The following PIK3C2G variants were observed in gnomAD, a reference collection of about 807,000 sequenced individuals.
The protein encoded by PIK3C2G is phosphatidylinositol-4-phosphate 3-kinase catalytic subunit type 2 gamma, also known as phosphatidylinositol 3-kinase C2 domain-containing subunit gamma.
Under a neutral mutation model 181.1 loss-of-function variants are expected in PIK3C2G, and 168 were observed. The ratio of observed to expected loss-of-function variants is 0.93; its 90% confidence interval spans 0.82 to 1.05. The LOEUF (loss-of-function observed/expected upper bound fraction) is 1.05. Among genes scored for constraint, PIK3C2G ranks in the 50% least tolerant of loss-of-function variants. PIK3C2G has a pLI of 0.00. For missense variants in PIK3C2G, 1,869 were observed against 1,732.8 expected (o/e 1.08, Z -1.40); for synonymous variants, 573 against 592.2 (o/e 0.97, Z 0.47).
chr12:18,397,719 T>C (rs770249388), intron 15 of PIK3C2G, among the ~76,000 whole-genome samples: 1 of 152,070 alleles, frequency 6.6e-6, no homozygotes, highest in Non-Finnish European at 1.5e-5. Flanking sequence ...TTTCACAATT[T>C]CTTGTAAAGA....
At chr12:18,527,897 G>A (rs1261233193) in intron 24 of PIK3C2G, among the ~76,000 whole-genome samples, 2 of 152,064 alleles carry the variant, frequency 1.3e-5, no homozygotes, top group African/African-American at 2.4e-5. Flanking sequence ...TTAATCTATT[G>A]ATGATCAGGG....
intron 11 of PIK3C2G, among the ~76,000 whole-genome samples, chr12:18,354,803 G>A (rs1372304610): frequency 6.6e-6 from 1 of 152,194 alleles, no homozygotes; most frequent in Non-Finnish European, 1.5e-5. Context: ...GAAAGACAAG[G>A]AAATAGGTAT....
intron 29 of PIK3C2G, among the ~76,000 whole-genome samples, chr12:18,587,901 A>C (rs1946876307): frequency 6.6e-6 from 1 of 152,050 alleles, no homozygotes; most frequent in Non-Finnish European, 1.5e-5. Context: ...ATTAAAAAAA[A>C]AAAGACATAT....
chr12:18,677,121 G>C, the PIK3C2G span, among the ~76,000 whole-genome samples: 1 of 152,090 alleles, frequency 6.6e-6, no homozygotes, highest in East Asian at 1.9e-4. Context: ...ATGTAGAAAA[G>C]GGGAGTCTGT....
intron 24 of PIK3C2G, among the ~76,000 whole-genome samples, chr12:18,520,257 T>C (rs2136178043): frequency 6.6e-6 from 1 of 152,258 alleles, no homozygotes; most frequent in South Asian, 2.1e-4. Flanking sequence ...AATTTGAATA[T>C]TGGCCTGTCT....
chr12:18,495,977 A>G, intron 20 of PIK3C2G, 85 bp from the exon 21 acceptor site: 1 of 634,958 alleles, frequency 1.6e-6, no homozygotes, highest in South Asian at 2.2e-5. Context: ...GCAAGGGGCT[A>G]TGATTTTGGG....
the PIK3C2G span, among the ~76,000 whole-genome samples, chr12:18,677,987 A>G: frequency 6.6e-6 from 1 of 152,118 alleles, no homozygotes; most frequent in Non-Finnish European, 1.5e-5. Context: ...GAGTATGTCA[A>G]TTAGCATAAA....
chr12:18,371,120 T>C (rs1008712507), intron 12 of PIK3C2G, 60 bp from the exon 13 acceptor site: 6 of 1,376,048 alleles, frequency 4.4e-6, no homozygotes, highest in Non-Finnish European at 5.9e-6. Flanking sequence ...TATAAGAACA[T>C]TTTCATTAAA....
intron 16 of PIK3C2G, among the ~76,000 whole-genome samples, chr12:18,411,293 A>C (rs982562483): frequency 1.3e-5 from 2 of 152,152 alleles, no homozygotes; most frequent in Admixed American, 1.3e-4. Context: ...AGTGTTTTGG[A>C]TATCTGGATG....
At chr12:18,364,214 C>G (rs1486242264) in intron 12 of PIK3C2G, among the ~76,000 whole-genome samples, 1 of 152,212 alleles carries the variant, frequency 6.6e-6, no homozygotes, top group Non-Finnish European at 1.5e-5. Context: ...ACCAGTCATT[C>G]TTTGCATCTG....
chr12:18,428,549 G>A (rs1945970543), intron 18 of PIK3C2G, among the ~76,000 whole-genome samples: 1 of 152,038 alleles, frequency 6.6e-6, no homozygotes, highest in Admixed American at 6.6e-5. Context: ...AGCGCTCCCT[G>A]CTCCACAACT....
At chr12:18,485,932 A>T (rs1939982999) in intron 18 of PIK3C2G, among the ~76,000 whole-genome samples, 1 of 152,170 alleles carries the variant, frequency 6.6e-6, no homozygotes, top group African/African-American at 2.4e-5. Flanking sequence ...AATATTTAGG[A>T]TTTACTGCTT....
At chr12:18,276,333 T>C (rs1401992876) in intron 1 of PIK3C2G, among the ~76,000 whole-genome samples, 1 of 152,150 alleles carries the variant, frequency 6.6e-6, no homozygotes, top group Non-Finnish European at 1.5e-5. Flanking sequence ...AGGCTAACTT[T>C]TTATTGTCTT....
the PIK3C2G span, among the ~76,000 whole-genome samples, chr12:18,656,050 A>G: frequency 6.6e-6 from 1 of 152,216 alleles, no homozygotes; most frequent in Non-Finnish European, 1.5e-5. Flanking sequence ...GACAAATTCT[A>G]ATATAAGTTG....
At chr12:18,509,536 C>T (rs1470792589) in intron 24 of PIK3C2G, among the ~76,000 whole-genome samples, 1 of 152,174 alleles carries the variant, frequency 6.6e-6, no homozygotes, top group Non-Finnish European at 1.5e-5. Context: ...GGATATGTTA[C>T]AGACATTGAG....
At chr12:18,699,860 A>G in the PIK3C2G span, 1 of 1,613,152 alleles carries the variant, frequency 6.2e-7, no homozygotes. Context: ...AATTGCTGAT[A>G]TAATCTTGAA....
chr12:18,630,565 GC>G (rs59560459), intron 31 of PIK3C2G, among the ~76,000 whole-genome samples: 7,704 of 152,140 alleles, frequency 0.051, 639 homozygotes, highest in African/African-American at 0.18. Context: ...ATGGAGCAAA[GC>G]CCCAAGGGAA....
At position 18,598,900 on chromosome 12, in the gene PIK3C2G, C is replaced by T. The variant is rs1482795646; in HGVS notation, c.4087+4331C>T. ...CAGCCAAAAAACACATGAGAAAATGCTCACCATCACTGGCCATCAGAGAAA... is the reference window on the plus strand; with the variant it reads ...CAGCCAAAAAACACATGAGAAAATGTTCACCATCACTGGCCATCAGAGAAA... On this transcript the variant is annotated intron_variant, in intron 30 of 32. Transcript: ENST00000538779. 9.2e-5 allele frequency among the ~76,000 whole-genome samples: 14 copies of T among 151,950 alleles called. No individual in the cohort carries two copies. In the East Asian group the frequency reaches 2.5e-3, roughly 28 times the overall value.
the PIK3C2G span, among the ~76,000 whole-genome samples, chr12:18,711,085 A>C: frequency 6.6e-6 from 1 of 152,074 alleles, no homozygotes; most frequent in African/African-American, 2.4e-5. Context: ...ATATGCACAT[A>C]TATGTTTATT....
Sources: allele counts gnomAD v4.1 joint callset (sites outside exome capture counted in the v4.1 genomes callset), GRCh38; gene constraint gnomAD v4.1.1; transcripts MANE v1.5; gene names NCBI Gene and HGNC (gene_info 2026-07-23, HGNC 2026-07-21).